The following RARB variants were observed in gnomAD, a reference collection of about 807,000 sequenced individuals.
RARB encodes retinoic acid receptor beta, also known as HBV-activated protein.
A neutral mutation model predicts 51.9 loss-of-function variants in RARB; 17 were observed. That is an observed-to-expected ratio of 0.33 (90% CI 0.22 to 0.49). RARB has a LOEUF of 0.49. Among genes scored for constraint, RARB ranks in the 20% least tolerant of loss-of-function variants. The pLI is 0.99. For synonymous variants in RARB, 215 were observed against 195.4 expected (o/e 1.10, Z -0.84); for missense variants, 369 against 550.8 (o/e 0.67, Z 3.30).
chr3:25,045,940 A>T (rs970972121), intron 2 of RARB, among the ~76,000 whole-genome samples: 2 of 152,252 alleles, frequency 1.3e-5, no homozygotes, highest in Non-Finnish European at 2.9e-5. Flanking sequence ...AAATGGTTTG[A>T]TCAGATTTAA....
chr3:25,437,294 CT>C (rs1708476387), intron 1 of RARB, among the ~76,000 whole-genome samples: 2 of 152,122 alleles, frequency 1.3e-5, no homozygotes, highest in South Asian at 2.1e-4. Context: ...AAATGATTGA[CT>C]TTTACAAGTG....
chr3:25,196,177 C>G (rs188957749), intron 5 of RARB, among the ~76,000 whole-genome samples: 5 of 151,954 alleles, frequency 3.3e-5, no homozygotes, highest in African/African-American at 7.2e-5. Context: ...CCCACTAATT[C>G]ATCATGTACA....
At chr3:24,919,441 C>T (rs1284982546) in intron 2 of RARB, among the ~76,000 whole-genome samples, 1 of 152,150 alleles carries the variant, frequency 6.6e-6, no homozygotes, top group African/African-American at 2.4e-5. Flanking sequence ...TCAAAGATGG[C>T]CAACTGTTCA....
intron 5 of RARB, among the ~76,000 whole-genome samples, chr3:25,382,313 A>G (rs564095061): frequency 1.1e-4 from 17 of 152,210 alleles, no homozygotes; most frequent in Non-Finnish European, 2.1e-4. Context: ...AGAATTTTCA[A>G]ATTGTCTCCT....
At chr3:25,227,225 G>A (rs899651489) in intron 5 of RARB, among the ~76,000 whole-genome samples, 2 of 152,244 alleles carry the variant, frequency 1.3e-5, no homozygotes, top group East Asian at 3.9e-4. Flanking sequence ...ATTAATAAAA[G>A]TCTGAATATT....
intron 5 of RARB, among the ~76,000 whole-genome samples, chr3:25,289,389 C>T (rs760168429): frequency 7.9e-5 from 12 of 152,192 alleles, no homozygotes; most frequent in Non-Finnish European, 1.2e-4. Flanking sequence ...TTCCCTGTTA[C>T]CATCAGTCAC....
chr3:25,128,496 T>C (rs1699895983), intron 3 of RARB, among the ~76,000 whole-genome samples: 1 of 149,746 alleles, frequency 6.7e-6, no homozygotes, highest in African/African-American at 2.4e-5. Context: ...GTATATAATA[T>C]ATACTAAAAT....
chr3:25,070,636 T>C (rs1472405714), intron 3 of RARB, among the ~76,000 whole-genome samples: 1 of 152,226 alleles, frequency 6.6e-6, no homozygotes, highest in Non-Finnish European at 1.5e-5. Context: ...ACCATTTATA[T>C]AGCATAGGAA....
intron 3 of RARB, among the ~76,000 whole-genome samples, chr3:25,558,705 C>T (rs188056379): frequency 6.6e-6 from 1 of 152,114 alleles, no homozygotes; most frequent in East Asian, 1.9e-4. Context: ...TAATTCATGC[C>T]CCCTCAAACC....
intron 5 of RARB, among the ~76,000 whole-genome samples, chr3:25,252,815 G>T (rs571238700): frequency 1.3e-4 from 20 of 152,110 alleles, no homozygotes; most frequent in Middle Eastern, 3.2e-3. Flanking sequence ...GTAGCATCCA[G>T]TCTAATTGAT....
At position 25,428,285 on chromosome 3, in the gene RARB, A is replaced by G; in HGVS notation, c.-447A>G. On this transcript the variant is annotated 5_prime_UTR_variant, in exon 1 of 8. Transcript: ENST00000330688. The stretch of plus-strand genomic sequence containing the variant: ...TGTGTGACAGAAGTAGTAGGAAGTG[A>G]GCTGTTCAGAGGCAGGAGGGTCTAT... 1 of 1,235,606 alleles carries G rather than the reference A, an allele frequency of 8.1e-7. No homozygotes were observed. Among genetic ancestry groups the G allele is most frequent in the Non-Finnish European group, 1.0e-6 (1 of 990,258 alleles). The allele number at this position is 1,235,606 out of a possible 1,614,324, so 76.5% of individuals were successfully genotyped here. A position where few individuals can be genotyped will look rare whatever the true frequency, so the allele number is the denominator to read the frequency against.
At chr3:25,243,601 T>C in intron 5 of RARB, among the ~76,000 whole-genome samples, 1 of 152,246 alleles carries the variant, frequency 6.6e-6, no homozygotes, top group Non-Finnish European at 1.5e-5. Context: ...GTTTATATGA[T>C]GGATTACATT....
intron 5 of RARB, among the ~76,000 whole-genome samples, chr3:25,237,452 G>GA (rs916447951): frequency 1.3e-4 from 19 of 151,940 alleles, no homozygotes; most frequent in African/African-American, 4.4e-4. Flanking sequence ...TTACAGGAGA[G>GA]AAAAATGTAT....
At chr3:25,579,459 G>A (rs906755235) in intron 4 of RARB, among the ~76,000 whole-genome samples, 19 of 152,170 alleles carry the variant, frequency 1.2e-4, no homozygotes, top group African/African-American at 3.1e-4. Flanking sequence ...AAATGGAATC[G>A]TTTTGAGTAT....
chr3:25,581,673 G>A (rs948518203), intron 5 of RARB, among the ~76,000 whole-genome samples: 1 of 152,182 alleles, frequency 6.6e-6, no homozygotes, highest in South Asian at 2.1e-4. Flanking sequence ...TTAGGAGGTG[G>A]GGTCTTTGGG....
intron 5 of RARB, among the ~76,000 whole-genome samples, chr3:25,178,205 A>G (rs1700794176): frequency 6.6e-6 from 1 of 152,118 alleles, no homozygotes. Context: ...GAGAACTTGA[A>G]AGCATCTTCT....
intron 2 of RARB, among the ~76,000 whole-genome samples, chr3:25,033,096 A>C (rs1697909099): frequency 6.6e-6 from 1 of 152,168 alleles, no homozygotes; most frequent in East Asian, 1.9e-4. Context: ...GATCTGGTTA[A>C]ATTTTTACTT....
chr3:25,007,901 A>C (rs1261349647), intron 2 of RARB, among the ~76,000 whole-genome samples: 2 of 152,080 alleles, frequency 1.3e-5, no homozygotes, highest in East Asian at 3.9e-4. Context: ...TTATACCCAC[A>C]GGGTGACCTT....
chr3:25,237,962 A>G (rs963317456), intron 5 of RARB, among the ~76,000 whole-genome samples: 4 of 152,170 alleles, frequency 2.6e-5, no homozygotes, highest in Non-Finnish European at 5.9e-5. Flanking sequence ...TAGAAGGTGT[A>G]CTTAGGATAT....
Sources: allele counts gnomAD v4.1 joint callset (sites outside exome capture counted in the v4.1 genomes callset), GRCh38; gene constraint gnomAD v4.1.1; transcripts MANE v1.5; gene names NCBI Gene and HGNC (gene_info 2026-07-23, HGNC 2026-07-21).